Variants in ELMOD2 observed in about 807,000 individuals in gnomAD.
ELMOD2 encodes ELMO domain-containing protein 2.
In ELMOD2, 28 loss-of-function variants were observed where a neutral mutation model predicts 41.0. That is an observed-to-expected ratio of 0.68 (90% CI 0.51 to 0.94). ELMOD2 has a LOEUF of 0.94. Among genes scored for constraint, ELMOD2 ranks in the 40% least tolerant of loss-of-function variants. ELMOD2 has a pLI of 0.00. For synonymous variants in ELMOD2, 106 were observed against 107.2 expected, an observed-to-expected ratio of 0.99 and a Z score of 0.07; for missense variants, 333 against 343.1, an observed-to-expected ratio of 0.97 and a Z score of 0.23.
Position 140,525,461 on chromosome 4 carries a change from G to A in ELMOD2, c.33G>A (p.Gly11=). 6.2e-7 allele frequency: 1 copy of A among 1,613,728 alleles called. No individual in the cohort carries two copies. The part of the protein sequence containing the change: MFISLWEFFY[G]HFFRFWMKWL... ...TTTCTTTGTGGGAGTTCTTCTATGG[G>A]CACTTTTTTCGATTTTGGATGAAAT... Residue 11 remains glycine (G), a synonymous_variant, in exon 2 of 9, where the codon GGG becomes GGA. Transcript: ENST00000323570.
At chr4:140,531,098 A>G (rs1382625979) in intron 3 of ELMOD2, among the ~76,000 whole-genome samples, 1 of 152,170 alleles carries the variant, frequency 6.6e-6, no homozygotes, top group Non-Finnish European at 1.5e-5. Flanking sequence ...AATATATACC[A>G]TAATCATTTT....
rs118101532 is a variant in ELMOD2, at chr4:140,525,160, C to G, written c.-9-260C>G. On this transcript the variant is annotated intron_variant, in intron 1 of 8. Coordinates refer to ENST00000323570, the MANE Select transcript of ELMOD2 (RefSeq NM_153702.4). ...GCAAAAAGTGCAAACCATTCTGTTACTCTTTCAAGCCATTGAATAGTTTGA... is the reference window on the plus strand; with the variant it reads ...GCAAAAAGTGCAAACCATTCTGTTAGTCTTTCAAGCCATTGAATAGTTTGA... 4.3e-4 allele frequency: 123 copies of G among 283,776 alleles called. 1 individual carries two copies. In the East Asian group the frequency reaches 8.5e-3, roughly 20 times the overall value. The allele number at this position is 283,776 out of a possible 1,614,324, so 17.6% of individuals were successfully genotyped here.
At chr4:140,539,368 T>G (rs570138438) in intron 5 of ELMOD2, among the ~76,000 whole-genome samples, 1 of 152,018 alleles carries the variant, frequency 6.6e-6, no homozygotes, top group South Asian at 2.1e-4. Flanking sequence ...TGTTTTTTTT[T>G]TTTTCCTTTT....
At chr4:140,534,888 G>A in intron 3 of ELMOD2, among the ~76,000 whole-genome samples, 1 of 152,158 alleles carries the variant, frequency 6.6e-6, no homozygotes, top group East Asian at 1.9e-4. Flanking sequence ...CATTGAACTG[G>A]ATTTTTAATG....
At position 140,550,250 on chromosome 4, in the gene ELMOD2, G is replaced by T; in HGVS notation, c.757G>T (p.Asp253Tyr). 2 of 1,609,540 alleles carry T rather than the reference G, an allele frequency of 1.2e-6. No individual in the cohort carries two copies. The highest frequency in any genetic ancestry group is 2.2e-5 in the South Asian group (2 of 90,324). ...QFYCYLVYEF[D>Y]KFWFEEEPES... Reference sequence around the variant, plus strand: ...TGCAGGTTATCTTGTCTATGAATTTGACAAGTTTTGGTTTGAAGAAGAACC... The same window carrying T: ...TGCAGGTTATCTTGTCTATGAATTTTACAAGTTTTGGTTTGAAGAAGAACC... The change falls in exon 9 of 9, where the codon GAC (aspartate) becomes TAC (tyrosine). Residue 253 changes from aspartate (D) to tyrosine (Y), a missense_variant. Asp to Tyr is a radical substitution (Grantham distance 160, BLOSUM62 -3). Transcript: ENST00000323570.
chr4:140,547,204 G>A (rs926877339), intron 8 of ELMOD2, among the ~76,000 whole-genome samples: 2 of 152,146 alleles, frequency 1.3e-5, no homozygotes, highest in Non-Finnish European at 2.9e-5. Context: ...TCTCCAGAAG[G>A]AAGAACAGTT....
At chr4:140,544,457 A>G (rs776873960) in intron 8 of ELMOD2, among the ~76,000 whole-genome samples, 14 of 152,290 alleles carry the variant, frequency 9.2e-5, no homozygotes, top group Non-Finnish European at 1.2e-4. Context: ...CTAGGTTACT[A>G]TAATGGCCTT....
intron 8 of ELMOD2, among the ~76,000 whole-genome samples, chr4:140,547,169 A>C (rs1234672258): frequency 6.6e-6 from 1 of 152,178 alleles, no homozygotes; most frequent in Non-Finnish European, 1.5e-5. Flanking sequence ...TAGTTTGCAC[A>C]AATTAGTTCC....
chr4:140,535,507 G>C, intron 3 of ELMOD2: 1 of 410,626 alleles, frequency 2.4e-6, no homozygotes, highest in African/African-American at 2.1e-5. Context: ...TGACTCAGTT[G>C]AGGAAGCCTT....
intron 3 of ELMOD2, among the ~76,000 whole-genome samples, chr4:140,534,423 C>A (rs1296247905): frequency 3.9e-5 from 6 of 152,120 alleles, no homozygotes; most frequent in Admixed American, 6.5e-5. Flanking sequence ...CATAAACGAA[C>A]TTTCTGGGAT....
At chr4:140,531,233 A>G (rs1386907920) in intron 3 of ELMOD2, among the ~76,000 whole-genome samples, 8 of 152,176 alleles carry the variant, frequency 5.3e-5, no homozygotes. Context: ...ATCTTGAAGT[A>G]TGATCATGTT....
intron 8 of ELMOD2, among the ~76,000 whole-genome samples, chr4:140,544,901 G>A (rs905524496): frequency 1.3e-5 from 2 of 152,128 alleles, no homozygotes; most frequent in African/African-American, 2.4e-5. Context: ...CCCTGGGGAT[G>A]TAGCAGAGAA....
At position 140,535,737 on chromosome 4, in the gene ELMOD2, T is replaced by C. The variant is rs749146811; in HGVS notation, c.176T>C (p.Leu59Ser). Reference sequence around the variant, plus strand: ...GGCTTTCTTTTACATAAATAGGTTTTACAGAAGGCGACACATGTTGTTCAG... The same window carrying C: ...GGCTTTCTTTTACATAAATAGGTTTCACAGAAGGCGACACATGTTGTTCAG... ...NSLTYSKNKV[L>S]QKATHVVQSE... The change falls in exon 4 of 9, where the codon TTA (leucine) becomes TCA (serine). Residue 59 changes from leucine (L) to serine (S), a missense_variant. Leu to Ser is a moderately radical substitution (Grantham distance 145, BLOSUM62 -2). Coordinates refer to ENST00000323570, the MANE Select transcript of ELMOD2 (RefSeq NM_153702.4). The C allele has an allele frequency of 1.2e-6, 2 of 1,607,502 alleles. No homozygotes were observed. Among genetic ancestry groups the C allele is most frequent in the South Asian group, 1.1e-5 (1 of 88,986 alleles).
At chr4:140,530,498 AAAAAT>A (rs1196545437) in intron 3 of ELMOD2, among the ~76,000 whole-genome samples, 2 of 152,190 alleles carry the variant, frequency 1.3e-5, no homozygotes, top group Non-Finnish European at 2.9e-5. Context: ...CAAGTTAAAG[AAAAAT>A]AAAATGTTCA....
rs144146962 is a variant in ELMOD2, at chr4:140,531,302, G to T, written c.171+3808G>T. Among the ~76,000 whole-genome samples, 126 of 152,164 alleles carry T rather than the reference G, an allele frequency of 8.3e-4. 3 individuals are homozygous for T. The East Asian group carries it at 0.016, about 20-fold the overall frequency. ...CTTTGTTAAAAATTGAATCTTATTTGCTTATATTTTAGATTAAGGACTATT... is the reference window on the plus strand; with the variant it reads ...CTTTGTTAAAAATTGAATCTTATTTTCTTATATTTTAGATTAAGGACTATT... On this transcript the variant is annotated intron_variant, in intron 3 of 8. Transcript: ENST00000323570.
chr4:140,540,609 A>T (rs1340910917), intron 6 of ELMOD2, among the ~76,000 whole-genome samples: 1 of 152,078 alleles, frequency 6.6e-6, no homozygotes, highest in Non-Finnish European at 1.5e-5. Context: ...TTAGCCAGGC[A>T]TGGTGGCATT....
chr4:140,533,957 A>G (rs1232984859), intron 3 of ELMOD2, among the ~76,000 whole-genome samples: 2 of 152,132 alleles, frequency 1.3e-5, no homozygotes, highest in Non-Finnish European at 2.9e-5. Context: ...AAATAGACGA[A>G]CAACACTAAT....
intron 3 of ELMOD2, among the ~76,000 whole-genome samples, chr4:140,532,052 A>T (rs151148756): frequency 1.2e-4 from 19 of 152,262 alleles, no homozygotes; most frequent in African/African-American, 4.6e-4. Flanking sequence ...ACAATATAAT[A>T]TATGAAAATT....
At chr4:140,537,056 C>G (rs1289040870) in intron 4 of ELMOD2, among the ~76,000 whole-genome samples, 2 of 152,010 alleles carry the variant, frequency 1.3e-5, no homozygotes, top group Non-Finnish European at 2.9e-5. Flanking sequence ...CTGAGATAAC[C>G]TGTTGTGGAG....
Sources: gnomAD v4.1 joint callset for allele counts (sites outside exome capture counted in the v4.1 genomes callset) on GRCh38, gnomAD v4.1.1 for gene constraint, MANE v1.5 for transcripts, NCBI Gene and HGNC (gene_info 2026-07-23, HGNC 2026-07-21) for gene names.